DCC: variants seen among roughly 807,000 people sequenced by gnomAD.
The protein encoded by DCC is netrin receptor DCC.
A neutral mutation model predicts 172.5 loss-of-function variants in DCC; 58 were observed. That is an observed-to-expected ratio of 0.34 (90% CI 0.27 to 0.42). The LOEUF (loss-of-function observed/expected upper bound fraction) is 0.42. DCC is among the 10% of genes least tolerant of loss of function. DCC has a pLI of 1.00. For synonymous variants in DCC, 709 were observed against 644.5 expected (o/e 1.10, Z -1.52); for missense variants, 1,740 against 1,791.0 (o/e 0.97, Z 0.51).
At chr18:53,087,872 T>C (rs1033966595) in intron 7 of DCC, among the ~76,000 whole-genome samples, 2 of 151,720 alleles carry the variant, frequency 1.3e-5, no homozygotes, top group African/African-American at 2.4e-5. Context: ...CCTTTCCCCA[T>C]TGCTTGTTTT....
intron 2 of DCC, among the ~76,000 whole-genome samples, chr18:52,776,867 G>T (rs972661807): frequency 6.6e-6 from 1 of 152,052 alleles, no homozygotes; most frequent in Non-Finnish European, 1.5e-5. Context: ...AAAATACATT[G>T]TCAGATGCAC....
chr18:53,530,384 A>G (rs1327825326), intron 28 of DCC, 180 bp from the exon 29 acceptor site: 4 of 705,244 alleles, frequency 5.7e-6, no homozygotes, highest in Non-Finnish European at 1.0e-5. Context: ...GCAATCTCTT[A>G]TTATCCCCTT....
At position 52,415,327 on chromosome 18, in the gene DCC, C is replaced by T. The variant is rs76228336; in HGVS notation, c.91+74449C>T. 4.4e-3 allele frequency among the ~76,000 whole-genome samples: 667 copies of T among 152,166 alleles called. 4 individuals carry two copies. The highest frequency in any genetic ancestry group is 0.01 in the Middle Eastern group (3 of 294). On this transcript the variant is annotated intron_variant, in intron 1 of 28. Transcript: ENST00000442544. Reference sequence around the variant, plus strand: ...ATAGTGCCTCTGATTTCAAGAGTGGCGAGACACTCTGGAAAGCATCCATCT... The same window carrying T: ...ATAGTGCCTCTGATTTCAAGAGTGGTGAGACACTCTGGAAAGCATCCATCT...
intron 1 of DCC, among the ~76,000 whole-genome samples, chr18:52,630,805 A>G (rs1224171330): frequency 6.6e-6 from 1 of 152,216 alleles, no homozygotes; most frequent in Non-Finnish European, 1.5e-5. Flanking sequence ...CCTTTGATTC[A>G]TGTGGGCCTA....
intron 8 of DCC, among the ~76,000 whole-genome samples, chr18:53,157,783 A>AG: frequency 6.6e-6 from 1 of 152,208 alleles, no homozygotes; most frequent in Non-Finnish European, 1.5e-5. Context: ...AGAGTCATAA[A>AG]CAGAGAACAG....
intron 2 of DCC, among the ~76,000 whole-genome samples, chr18:52,856,741 G>T (rs1457195851): frequency 6.6e-6 from 1 of 151,564 alleles, no homozygotes; most frequent in African/African-American, 2.4e-5. Flanking sequence ...AAAATGATCT[G>T]AAACGTCTGT....
chr18:52,993,818 T>G (rs953353777), intron 5 of DCC, among the ~76,000 whole-genome samples: 3 of 103,144 alleles, frequency 2.9e-5, no homozygotes, highest in Admixed American at 2.5e-4. Flanking sequence ...TTTTCTATGA[T>G]TTTTTTTTTC....
chr18:52,700,879 T>C (rs1347716786), intron 1 of DCC, among the ~76,000 whole-genome samples: 2 of 152,236 alleles, frequency 1.3e-5, no homozygotes, highest in Non-Finnish European at 2.9e-5. Context: ...TATTGCCCAG[T>C]AGCACGTGAT....
chr18:53,164,298 G>T lies in DCC; in HGVS notation c.1418+6786G>T, dbSNP rs138673873. 1.5e-3 allele frequency among the ~76,000 whole-genome samples: 231 copies of T among 152,228 alleles called. 2 individuals carry two copies. The highest frequency in any genetic ancestry group is 4.9e-3 in the African/African-American group (203 of 41,532). The stretch of plus-strand genomic sequence containing the variant: ...TTTGCTATGTTGCTCAGGATAGAGT[G>T]CAGTGGTGTGATCATAGTTGACTTG... On this transcript the variant is annotated intron_variant, in intron 8 of 28. Coordinates refer to ENST00000442544, the MANE Select transcript of DCC (RefSeq NM_005215.4).
chr18:52,761,428 G>T (rs1348710026), intron 2 of DCC, among the ~76,000 whole-genome samples: 3 of 152,094 alleles, frequency 2.0e-5, no homozygotes, highest in African/African-American at 7.2e-5. Context: ...AGAGGTAAGA[G>T]AATAAATCAG....
rs182269683 is a variant in DCC at position 52,825,901 on chromosome 18, G to T, written c.412+73527G>T. Among the ~76,000 whole-genome samples, 51 of 152,306 alleles carry T rather than the reference G, an allele frequency of 3.3e-4. No individual in the cohort carries two copies. In the East Asian group the frequency reaches 9.3e-3, roughly 28 times the overall value. On this transcript the variant is annotated intron_variant, in intron 2 of 28. Transcript: ENST00000442544. ...GGCAAAATACTGAATAAACTGTGAT[G>T]ACTTATAGTTTAGAAGGTTTTCTCC...
intron 6 of DCC, chr18:53,063,749 A>G: frequency 2.8e-6 from 1 of 354,278 alleles, no homozygotes; most frequent in South Asian, 2.6e-5. Context: ...GTAGTTTCAC[A>G]GTTTCACTGC....
intron 12 of DCC, among the ~76,000 whole-genome samples, chr18:53,252,605 T>G (rs1374086893): frequency 6.6e-6 from 1 of 151,908 alleles, no homozygotes; most frequent in African/African-American, 2.4e-5. Flanking sequence ...ATAGCAACAA[T>G]GAGGTGTGAA....
At chr18:53,475,044 AT>A (rs780326022) in intron 25 of DCC, among the ~76,000 whole-genome samples, 2 of 152,212 alleles carry the variant, frequency 1.3e-5, no homozygotes, top group Non-Finnish European at 2.9e-5. Context: ...GACTGGGGGC[AT>A]TTTGCCCCTG....
chr18:52,771,871 G>GAAA (rs55924643), intron 2 of DCC, among the ~76,000 whole-genome samples: 30 of 130,950 alleles, frequency 2.3e-4, no homozygotes, highest in East Asian at 2.1e-3. Context: ...AGAAACTTGT[G>GAAA]AAAAAAAAAA....
At chr18:53,510,533 G>A (rs1056891173) in intron 27 of DCC, among the ~76,000 whole-genome samples, 3 of 152,164 alleles carry the variant, frequency 2.0e-5, no homozygotes, top group Admixed American at 6.5e-5. Context: ...AGGCTGGAGA[G>A]TGCTAAAGAG....
At chr18:52,916,010 T>C (rs1375465159) in intron 3 of DCC, among the ~76,000 whole-genome samples, 1 of 152,062 alleles carries the variant, frequency 6.6e-6, no homozygotes, top group East Asian at 1.9e-4. Flanking sequence ...TTTTGAGTTT[T>C]TTACCATGTT....
chr18:53,354,084 A>G (rs1337655732), intron 15 of DCC, among the ~76,000 whole-genome samples: 2 of 152,174 alleles, frequency 1.3e-5, no homozygotes, highest in African/African-American at 4.8e-5. Flanking sequence ...CCTACAAAGG[A>G]CATGAACTCA....
At chr18:52,770,210 A>G (rs1012920804) in intron 2 of DCC, among the ~76,000 whole-genome samples, 1 of 151,984 alleles carries the variant, frequency 6.6e-6, no homozygotes, top group Non-Finnish European at 1.5e-5. Flanking sequence ...ATTTCTTCAT[A>G]ATGCTCCAGC....
Sources: gnomAD v4.1 joint callset for allele counts (sites outside exome capture counted in the v4.1 genomes callset) on GRCh38, gnomAD v4.1.1 for gene constraint, MANE v1.5 for transcripts, NCBI Gene and HGNC (gene_info 2026-07-23, HGNC 2026-07-21) for gene names.